The following RRP15 variants were observed in gnomAD, a reference collection of about 807,000 sequenced individuals.
The protein encoded by RRP15 is RRP15-like protein.
RRP15 carries 18 observed loss-of-function variants against 27.1 expected under a neutral mutation model. That is an observed-to-expected ratio of 0.66 (90% confidence interval 0.46 to 0.98). The LOEUF (loss-of-function observed/expected upper bound fraction) is 0.98, where lower values mean the gene tolerates loss of function less well. Ranked by LOEUF, RRP15 falls within the 50% of genes least tolerant of loss-of-function variation. The pLI is 0.00. For synonymous variants in RRP15, 107 were observed against 109.4 expected (o/e 0.98, Z 0.14); for missense variants, 359 against 337.8 (o/e 1.06, Z -0.49).
chr1:218,321,966 T>C (rs765094936), intron 4 of RRP15, among the ~76,000 whole-genome samples: 5 of 152,156 alleles, frequency 3.3e-5, no homozygotes, highest in Non-Finnish European at 7.4e-5. Context: ...ATTATGTCAA[T>C]CCAGTGTGTA....
chr1:218,301,439 A>G (rs1359818208), intron 1 of RRP15: 1 of 152,230 alleles, frequency 6.6e-6, no homozygotes, highest in Non-Finnish European at 1.5e-5. Context: ...TAATTTAAGA[A>G]GGTGAAAAAG....
Position 218,314,178 on chromosome 1 carries a change from T to C in RRP15, c.705+6546T>C, listed in dbSNP as rs539356452. Reference sequence around the variant, plus strand: ...TGACCCTGAGTGATTTTTAAAAATATTACATTGTATTTAGAACACTGTTTA... The same window carrying C: ...TGACCCTGAGTGATTTTTAAAAATACTACATTGTATTTAGAACACTGTTTA... On this transcript the variant is annotated intron_variant, in intron 4 of 4. Transcript: ENST00000366932. 8.5e-5 allele frequency among the ~76,000 whole-genome samples: 13 copies of C among 152,114 alleles called. No homozygotes were observed. The South Asian group carries it at 2.5e-3, about 29-fold the overall frequency.
intron 1 of RRP15, among the ~76,000 whole-genome samples, chr1:218,296,976 C>T (rs1370171044): frequency 1.3e-5 from 2 of 152,176 alleles, no homozygotes; most frequent in Admixed American, 1.3e-4. Flanking sequence ...GGATCTCTGT[C>T]TGTCCTCTGA....
intron 4 of RRP15, among the ~76,000 whole-genome samples, chr1:218,328,521 G>A (rs1477826719): frequency 3.9e-5 from 6 of 152,106 alleles, no homozygotes; most frequent in Non-Finnish European, 8.8e-5. Context: ...AGATAAGCCA[G>A]GCATGGTGGC....
chr1:218,288,639 C>A (rs1450968991), intron 1 of RRP15, among the ~76,000 whole-genome samples: 3 of 152,118 alleles, frequency 2.0e-5, no homozygotes, highest in Non-Finnish European at 4.4e-5. Flanking sequence ...TTGACCACTA[C>A]CTTAATATGT....
At chr1:218,290,294 G>A (rs1277391283) in intron 1 of RRP15, among the ~76,000 whole-genome samples, 1 of 152,138 alleles carries the variant, frequency 6.6e-6, no homozygotes, top group Non-Finnish European at 1.5e-5. Flanking sequence ...TTACAGTAAT[G>A]TTCAGTAAAG....
At chr1:218,311,812 A>T (rs937105475) in intron 4 of RRP15, among the ~76,000 whole-genome samples, 1 of 152,260 alleles carries the variant, frequency 6.6e-6, no homozygotes, top group African/African-American at 2.4e-5. Context: ...TTGGCCCGAT[A>T]GATGGCTTCC....
chr1:218,317,548 T>C (rs11118080), intron 4 of RRP15, among the ~76,000 whole-genome samples: 7,788 of 152,252 alleles, frequency 0.051, 680 homozygotes, highest in African/African-American at 0.18. Flanking sequence ...CATAGTAAGA[T>C]ATTTTCAAGT....
chr1:218,293,829 A>G (rs1655680265), intron 1 of RRP15, among the ~76,000 whole-genome samples: 1 of 152,204 alleles, frequency 6.6e-6, no homozygotes, highest in Admixed American at 6.5e-5. Flanking sequence ...GAGGACAGCT[A>G]TATCTCAGTT....
intron 4 of RRP15, among the ~76,000 whole-genome samples, chr1:218,320,047 C>CTTTTTTT (rs140693389): frequency 7.2e-6 from 1 of 139,288 alleles, no homozygotes; most frequent in African/African-American, 2.7e-5. Context: ...TGTTTTATTT[C>CTTTTTTT]TTTTTTTTTC....
In RRP15 at chr1:218,336,613, C is replaced by A. The variant is rs1656452362; in HGVS notation, c.*5522C>A. The A allele has an allele frequency of 6.6e-6, 1 of 152,588 alleles. No individual in the cohort carries two copies. Among genetic ancestry groups the A allele is most frequent in the Non-Finnish European group, 1.5e-5 (1 of 68,028 alleles). 9.5% of individuals were successfully genotyped at this position (152,588 alleles called of 1,614,324 possible). A position where few individuals can be genotyped will look rare whatever the true frequency, so the allele number is the denominator to read the frequency against. On this transcript the variant is annotated 3_prime_UTR_variant, in exon 5 of 5. Coordinates refer to ENST00000366932, the MANE Select transcript of RRP15 (RefSeq NM_016052.4). ...ATCCCTCCCATGGACAGGACATAAACAATAGATTGACATCAGCTCTGAAAA... is the reference window on the plus strand; with the variant it reads ...ATCCCTCCCATGGACAGGACATAAAAAATAGATTGACATCAGCTCTGAAAA...
chr1:218,306,840 G>A (rs572544570), intron 3 of RRP15, among the ~76,000 whole-genome samples: 16 of 152,208 alleles, frequency 1.1e-4, no homozygotes, highest in Middle Eastern at 3.4e-3. Flanking sequence ...TGATATTTAA[G>A]GATTCTATTT....
intron 1 of RRP15, 72 bp downstream of exon 1, chr1:218,285,527 C>A: frequency 6.3e-7 from 1 of 1,589,960 alleles, no homozygotes; most frequent in South Asian, 1.1e-5. Flanking sequence ...GCAGCGCTTG[C>A]GACTTCATTT....
Position 218,333,280 on chromosome 1 carries a change from C to T in RRP15, c.*2189C>T, listed in dbSNP as rs927247954. ...ATAGATTTGATATCTTCTATGTATT[C>T]GTATTTTTGCATCTTGGGTATTAAG... On this transcript the variant is annotated 3_prime_UTR_variant, in exon 5 of 5. Transcript: ENST00000366932. 6.6e-6 allele frequency: 1 copy of T among 151,854 alleles called. No individual in the cohort carries two copies. Among genetic ancestry groups the T allele is most frequent in the Non-Finnish European group, 1.5e-5 (1 of 67,970 alleles). The allele number at this position is 151,854 out of a possible 1,614,324, so 9.4% of individuals were successfully genotyped here.
In RRP15 at chr1:218,307,121, A is replaced by G. The variant is rs570566726; in HGVS notation, c.504-310A>G. Among the ~76,000 whole-genome samples, 5 of 152,360 alleles carry G rather than the reference A, an allele frequency of 3.3e-5. No homozygotes were observed. The East Asian group carries it at 9.6e-4, about 29-fold the overall frequency. ...TAGCTAAATACTTTTTAAGCTACTG[A>G]GGCATTATTTTTCCAATTTACAGAT... On this transcript the variant is annotated intron_variant, in intron 3 of 4. Transcript: ENST00000366932.
intron 1 of RRP15, among the ~76,000 whole-genome samples, chr1:218,299,695 C>T (rs981847156): frequency 1.3e-5 from 2 of 152,074 alleles, no homozygotes; most frequent in Admixed American, 1.3e-4. Flanking sequence ...CATCTTGCCT[C>T]CTTACATTTA....
At chr1:218,301,317 C>G (rs2102497427) in intron 1 of RRP15, 1 of 152,276 alleles carries the variant, frequency 6.6e-6, no homozygotes, top group East Asian at 1.9e-4. Context: ...CCAAGTATTT[C>G]CTAATAAGTT....
At chr1:218,299,672 C>G (rs1655779790) in intron 1 of RRP15, among the ~76,000 whole-genome samples, 1 of 152,076 alleles carries the variant, frequency 6.6e-6, no homozygotes, top group South Asian at 2.1e-4. Flanking sequence ...TTTATTGACC[C>G]AAACTTTTAA....
At chr1:218,325,234 T>A (rs1346118486) in intron 4 of RRP15, among the ~76,000 whole-genome samples, 1 of 152,258 alleles carries the variant, frequency 6.6e-6, no homozygotes, top group East Asian at 1.9e-4. Context: ...AGGTTGTCCT[T>A]CATGCGTGAT....
Sources: allele counts gnomAD v4.1 joint callset (sites outside exome capture counted in the v4.1 genomes callset), GRCh38; gene constraint gnomAD v4.1.1; transcripts MANE v1.5; gene names NCBI Gene and HGNC (gene_info 2026-07-23, HGNC 2026-07-21).